The following EML4 variants were observed in gnomAD, a reference collection of about 807,000 sequenced individuals.
EML4 encodes EMAP like 4, also known as echinoderm microtubule-associated protein-like 4.
Under a neutral mutation model 129.0 loss-of-function variants are expected in EML4, and 72 were observed. The observed-to-expected ratio is 0.56, with a 90% CI of 0.46 to 0.68. The LOEUF (loss-of-function observed/expected upper bound fraction) is 0.68, where lower values mean the gene tolerates loss of function less well. Among genes scored for constraint, EML4 ranks in the 30% least tolerant of loss-of-function variants. The pLI is 0.00. For missense variants in EML4, 1,363 were observed against 1,190.6 expected, an observed-to-expected ratio of 1.14 and a Z score of -2.13; for synonymous variants, 532 against 405.0, an observed-to-expected ratio of 1.31 and a Z score of -3.77.
chr2:42,252,822 G>T (rs1675871158), intron 2 of EML4, among the ~76,000 whole-genome samples: 1 of 151,980 alleles, frequency 6.6e-6, no homozygotes, highest in Non-Finnish European at 1.5e-5. Context: ...CCTTTCTTGA[G>T]CTCTGTGTCC....
rs530014037 is a variant in EML4 at position 42,331,503 on chromosome 2, C to T, written c.*1296C>T. On this transcript the variant is annotated 3_prime_UTR_variant, in exon 23 of 23. Transcript: ENST00000318522. The stretch of plus-strand genomic sequence containing the variant: ...AATATGTATTTCCTATATGTTTATA[C>T]TTTGATTATAAAAAAGTATTTTGTT... The T allele has an allele frequency of 9.0e-6, 2 of 222,814 alleles. No homozygotes were observed. The highest frequency in any genetic ancestry group is 1.8e-4 in the South Asian group (1 of 5,432). 13.8% of individuals were successfully genotyped at this position (222,814 alleles called of 1,614,324 possible).
chr2:42,187,896 T>C (rs1429742426), intron 1 of EML4, among the ~76,000 whole-genome samples: 15 of 152,202 alleles, frequency 9.9e-5, no homozygotes, highest in Non-Finnish European at 2.2e-4. Context: ...GTTTATACTT[T>C]TTGTGTCCTA....
intron 1 of EML4, among the ~76,000 whole-genome samples, chr2:42,204,143 C>T (rs149910291): frequency 1.3e-3 from 194 of 152,194 alleles, no homozygotes; most frequent in African/African-American, 4.5e-3. Flanking sequence ...TGGTCTCAAA[C>T]TCCTGGGCTC....
At chr2:42,283,225 A>G (rs1313502666) in intron 8 of EML4, among the ~76,000 whole-genome samples, 13 of 152,246 alleles carry the variant, frequency 8.5e-5, no homozygotes, top group Admixed American at 7.9e-4. Context: ...CTCATGTCGT[A>G]CAGTCCTTCT....
At chr2:42,224,735 T>C (rs529829033) in intron 1 of EML4, among the ~76,000 whole-genome samples, 3 of 152,148 alleles carry the variant, frequency 2.0e-5, no homozygotes, top group Admixed American at 2.0e-4. Flanking sequence ...ATAGCCATCC[T>C]GATGGTGTGA....
chr2:42,304,665 CTTG>C (rs1668492389), intron 17 of EML4, 114 bp downstream of exon 17: 2 of 791,492 alleles, frequency 2.5e-6, no homozygotes, highest in Non-Finnish European at 4.3e-6. Flanking sequence ...CACTAATATG[CTTG>C]TTGTTCTTAT....
chr2:42,327,265 G>A (rs1209404550), intron 21 of EML4, among the ~76,000 whole-genome samples: 2 of 152,210 alleles, frequency 1.3e-5, no homozygotes, highest in African/African-American at 4.8e-5. Flanking sequence ...CACTTGGGCT[G>A]TTTCTACTTT....
chr2:42,330,072 C>G lies in EML4; in HGVS notation c.2811C>G (p.His937Gln), dbSNP rs1403580678. 3 of 1,613,060 alleles carry G rather than the reference C, an allele frequency of 1.9e-6. No homozygotes were observed. In the Admixed American group the frequency reaches 5.0e-5, roughly 27 times the overall value. Residue 937 changes from histidine to glutamine, a missense_variant, in exon 23 of 23, where the codon CAC becomes CAG. Transcript: ENST00000318522. Reference protein sequence around the residue: ...LEQTVEPSEDHSEEESEEGSG... With the variant: ...LEQTVEPSEDQSEEESEEGSG... ...AAACTGTGGAGCCAAGTGAAGACCA[C>G]AGCGAGGAGGAGAGTGAAGAGGGCA...
intron 1 of EML4, among the ~76,000 whole-genome samples, chr2:42,222,122 T>G (rs1316092572): frequency 6.6e-6 from 1 of 152,100 alleles, no homozygotes; most frequent in Non-Finnish European, 1.5e-5. Context: ...GATTTCTGAT[T>G]ATGGAGAAGA....
At chr2:42,203,996 C>G (rs904676125) in intron 1 of EML4, among the ~76,000 whole-genome samples, 17 of 152,278 alleles carry the variant, frequency 1.1e-4, no homozygotes, top group African/African-American at 3.6e-4. Context: ...TCATAGTGCA[C>G]TGCACCTTGA....
chr2:42,203,812 TC>T (rs2103979380), intron 1 of EML4, among the ~76,000 whole-genome samples: 1 of 151,880 alleles, frequency 6.6e-6, no homozygotes, highest in South Asian at 2.1e-4. Flanking sequence ...AGGGAAAGAG[TC>T]CCCTGTAACT....
At chr2:42,307,856 T>C (rs1023462067) in intron 17 of EML4, among the ~76,000 whole-genome samples, 2 of 152,186 alleles carry the variant, frequency 1.3e-5, no homozygotes, top group Admixed American at 6.5e-5. Flanking sequence ...GGTTTCGCCA[T>C]GTTGGCCAGG....
intron 1 of EML4, among the ~76,000 whole-genome samples, chr2:42,227,978 G>A (rs971139676): frequency 6.6e-6 from 1 of 152,078 alleles, no homozygotes; most frequent in East Asian, 1.9e-4. Context: ...CCAACACTTT[G>A]GGAGGCCAAG....
intron 6 of EML4, among the ~76,000 whole-genome samples, chr2:42,265,330 C>T (rs888263628): frequency 2.4e-4 from 36 of 152,120 alleles, no homozygotes; most frequent in Non-Finnish European, 3.7e-4. Flanking sequence ...GCTGCAAACT[C>T]CTGACCTCAG....
intron 2 of EML4, among the ~76,000 whole-genome samples, chr2:42,254,915 C>G (rs185180726): frequency 6.6e-6 from 1 of 152,076 alleles, no homozygotes; most frequent in East Asian, 1.9e-4. Flanking sequence ...AATGGAAAAA[C>G]AAAATATACA....
chr2:42,308,646 G>C lies in EML4; in HGVS notation c.1967+4095G>C, dbSNP rs374276116. ...TGATTTAAGATATATAATTCAGTAA[G>C]TTCACAGGGTTATGCAGCTATCCTC... On this transcript the variant is annotated intron_variant, in intron 17 of 22. Coordinates refer to ENST00000318522, the MANE Select transcript of EML4 (RefSeq NM_019063.5). 1.2e-4 allele frequency among the ~76,000 whole-genome samples: 19 copies of C among 152,258 alleles called. No homozygotes were observed. In the East Asian group the frequency reaches 2.3e-3, roughly 19 times the overall value.
At chr2:42,278,710 G>C (rs1666803582) in intron 6 of EML4, among the ~76,000 whole-genome samples, 1 of 151,656 alleles carries the variant, frequency 6.6e-6, no homozygotes, top group Non-Finnish European at 1.5e-5. Context: ...GAGGTGGTTA[G>C]ATCACCTGAG....
At chr2:42,228,760 C>CTT (rs1674136783) in intron 1 of EML4, among the ~76,000 whole-genome samples, 1 of 152,086 alleles carries the variant, frequency 6.6e-6, no homozygotes, top group Non-Finnish European at 1.5e-5. Context: ...TTGTATTGTA[C>CTT]TTTATTTTAT....
chr2:42,169,618 G>A lies in EML4; in HGVS notation c.7G>A (p.Gly3Ser), dbSNP rs780710871. The A allele has an allele frequency of 1.2e-6, 2 of 1,600,954 alleles. No homozygotes were observed. The highest frequency in any genetic ancestry group is 2.3e-5 in the East Asian group (1 of 43,638). The change falls in exon 1 of 23, where the codon GGT becomes AGT. Residue 3 changes from glycine to serine, a missense_variant. Transcript: ENST00000318522. Reference protein sequence around the residue: MDGFAGSLDDSIS... With the variant: MDSFAGSLDDSIS... ...CCGGCGCTTTCCCCGCAAGATGGAC[G>A]GTTTCGCCGGCAGTCTCGGTGAGTA...
Sources: gnomAD v4.1 joint callset for allele counts (sites outside exome capture counted in the v4.1 genomes callset) on GRCh38, gnomAD v4.1.1 for gene constraint, MANE v1.5 for transcripts, NCBI Gene and HGNC (gene_info 2026-07-23, HGNC 2026-07-21) for gene names.